The following STIM1 variants were observed in gnomAD, a reference collection of about 807,000 sequenced individuals.
STIM1 encodes the protein stromal interaction molecule 1.
Under a neutral mutation model 74.7 loss-of-function variants are expected in STIM1, and 25 were observed. That is an observed-to-expected ratio of 0.33 (90% CI 0.24 to 0.47). STIM1 has a LOEUF of 0.47. Among genes scored for constraint, STIM1 ranks in the 20% least tolerant of loss-of-function variants. The probability of loss-of-function intolerance (pLI) is 1.00; values close to 1 mark genes in which losing one functional copy is unlikely to be tolerated. For missense variants in STIM1, 728 were observed against 920.8 expected, an observed-to-expected ratio of 0.79 and a Z score of 2.71; for synonymous variants, 328 against 348.8, an observed-to-expected ratio of 0.94 and a Z score of 0.66.
At chr11:3,959,668 G>C (rs1379521435) in intron 1 of STIM1, among the ~76,000 whole-genome samples, 1 of 152,176 alleles carries the variant, frequency 6.6e-6, no homozygotes, top group Non-Finnish European at 1.5e-5. Flanking sequence ...TCTGCCTGGA[G>C]AAAGGTGAGG....
At chr11:4,086,630 G>C in intron 12 of STIM1, 87 bp downstream of exon 12, 2 of 1,583,858 alleles carry the variant, frequency 1.3e-6, no homozygotes, top group Non-Finnish European at 1.7e-6. Flanking sequence ...CAGTCTTTCA[G>C]TTCTGAAGGC....
At chr11:3,861,822 C>A (rs2090624563) in intron 1 of STIM1, among the ~76,000 whole-genome samples, 1 of 152,158 alleles carries the variant, frequency 6.6e-6, no homozygotes, top group African/African-American at 2.4e-5. Context: ...GTGTTAAGAA[C>A]AGCTCTTTGG....
chr11:3,901,621 A>C (rs953705514), intron 1 of STIM1, among the ~76,000 whole-genome samples: 2 of 152,232 alleles, frequency 1.3e-5, no homozygotes, highest in Non-Finnish European at 2.9e-5. Flanking sequence ...GCTCTATGAG[A>C]TTGCTGATAT....
chr11:3,932,638 G>A (rs2092881142), intron 1 of STIM1, among the ~76,000 whole-genome samples: 1 of 149,652 alleles, frequency 6.7e-6, no homozygotes, highest in Non-Finnish European at 1.5e-5. Flanking sequence ...CTCCAGCCTG[G>A]GCAAGAGTGC....
At chr11:4,011,697 T>C (rs2093838034) in intron 2 of STIM1, among the ~76,000 whole-genome samples, 1 of 152,224 alleles carries the variant, frequency 6.6e-6, no homozygotes, top group Admixed American at 6.5e-5. Context: ...GCTGATAGTT[T>C]CTTTTGCTGT....
chr11:4,092,256 T>C lies in STIM1; in HGVS notation c.*458T>C. The C allele has an allele frequency of 3.9e-6, 1 of 254,978 alleles. No homozygotes were observed. Among genetic ancestry groups the C allele is most frequent in the Non-Finnish European group, 7.7e-6 (1 of 129,250 alleles). 15.8% of individuals were successfully genotyped at this position (254,978 alleles called of 1,614,324 possible). A position where few individuals can be genotyped will look rare whatever the true frequency, so the allele number is the denominator to read the frequency against. ...TCTGACATGTGTGCCTCAGATCTGT[T>C]CCACCCCACTCACAGTGGTTCTGTT... On this transcript the variant is annotated 3_prime_UTR_variant, in exon 13 of 13. Transcript: ENST00000526596.
intron 3 of STIM1, among the ~76,000 whole-genome samples, chr11:4,048,765 G>A (rs906949965): frequency 6.6e-5 from 10 of 151,282 alleles, no homozygotes; most frequent in African/African-American, 1.7e-4. Context: ...ACAGAGTCTC[G>A]CTCTGTCGCC....
chr11:4,074,267 G>A (rs1407418018), intron 6 of STIM1, among the ~76,000 whole-genome samples: 1 of 152,224 alleles, frequency 6.6e-6, no homozygotes, highest in Admixed American at 6.5e-5. Flanking sequence ...ATGCCTGAGA[G>A]CCTGGCTTCA....
chr11:4,005,497 G>A (rs539786640), intron 2 of STIM1, among the ~76,000 whole-genome samples: 13 of 147,974 alleles, frequency 8.8e-5, no homozygotes, highest in Admixed American at 2.1e-4. Flanking sequence ...ACCAAACACC[G>A]CATGTTCTCA....
chr11:3,873,537 G>A (rs2091206809), intron 1 of STIM1, among the ~76,000 whole-genome samples: 1 of 151,990 alleles, frequency 6.6e-6, no homozygotes. Flanking sequence ...AAAGTGCTAG[G>A]ATTACAGGTG....
intron 2 of STIM1, among the ~76,000 whole-genome samples, chr11:4,011,929 G>C (rs920915599): frequency 2.6e-5 from 4 of 152,180 alleles, no homozygotes; most frequent in Non-Finnish European, 5.9e-5. Context: ...TCCAGTTTCA[G>C]CTTTTTACAT....
intron 1 of STIM1, among the ~76,000 whole-genome samples, chr11:3,961,770 GATGCTGGGATTA>G (rs1487688534): frequency 1.3e-4 from 20 of 152,178 alleles, no homozygotes; most frequent in African/African-American, 4.6e-4. Context: ...GGCCTCCTAA[GATGCTGGGATTA>G]CAGGCGTGAG....
intron 1 of STIM1, among the ~76,000 whole-genome samples, chr11:3,950,378 C>T (rs1237415227): frequency 2.6e-5 from 4 of 152,112 alleles, no homozygotes; most frequent in Non-Finnish European, 4.4e-5. Flanking sequence ...AAGATCTGCC[C>T]GCCTCGGCCT....
chr11:3,924,332 G>A (rs895774706), intron 1 of STIM1, among the ~76,000 whole-genome samples: 5 of 151,328 alleles, frequency 3.3e-5, no homozygotes, highest in Non-Finnish European at 7.4e-5. Context: ...CCAAGTAGCT[G>A]GGACTACAGG....
chr11:4,024,024 A>G, intron 3 of STIM1, 37 bp downstream of exon 3: 2 of 1,578,650 alleles, frequency 1.3e-6, no homozygotes. Context: ...TAGTTGTGGG[A>G]AGGTTTAGAG....
At chr11:3,956,397 G>A (rs190813658) in intron 1 of STIM1, among the ~76,000 whole-genome samples, 4 of 152,098 alleles carry the variant, frequency 2.6e-5, no homozygotes, top group Non-Finnish European at 5.9e-5. Flanking sequence ...TGGAAAAGTA[G>A]GAAGGTTAGG....
At position 4,091,542 on chromosome 11, in the gene STIM1, C is replaced by A. The variant is rs202057312; in HGVS notation, c.1895C>A (p.Pro632His). 3.1e-6 allele frequency: 5 copies of A among 1,614,198 alleles called. No individual in the cohort carries two copies. Among genetic ancestry groups the A allele is most frequent in the Non-Finnish European group, 4.2e-6 (5 of 1,180,038 alleles). ...DKAHSLMELSPSAPPGGSPHL... is the reference protein window; with the variant it reads ...DKAHSLMELSHSAPPGGSPHL... ...GCCCACAGCCTGATGGAGCTGAGCCCCTCAGCCCCACCTGGTGGCTCTCCA... is the reference window on the plus strand; with the variant it reads ...GCCCACAGCCTGATGGAGCTGAGCCACTCAGCCCCACCTGGTGGCTCTCCA... Residue 632 changes from proline (P) to histidine (H), a missense_variant, in exon 13 of 13, where the codon CCC (proline) becomes CAC (histidine). This residue lies in a region of STIM1 where 352 missense variants were observed against 370.1 expected (regional missense o/e 0.95). Transcript: ENST00000526596.
In STIM1 at chr11:3,892,067, C is replaced by T. The variant is rs73423257; in HGVS notation, c.139+35658C>T. Among the ~76,000 whole-genome samples the T allele has an allele frequency of 7.8e-3, 1,190 of 152,356 alleles. 12 individuals carry two copies. Among genetic ancestry groups the T allele is most frequent in the African/African-American group, 0.027 (1,140 of 41,584 alleles). On this transcript the variant is annotated intron_variant, in intron 1 of 12. Coordinates refer to ENST00000526596, the MANE Select transcript of STIM1 (RefSeq NM_001382567.1). ...TGGTAAATGTTTGTTGAATTGTAGA[C>T]AAAGACCTTGATTTCAGAAATCTCT...
intron 1 of STIM1, among the ~76,000 whole-genome samples, chr11:3,965,414 T>C (rs1449547953): frequency 1.3e-5 from 2 of 152,236 alleles, no homozygotes; most frequent in Admixed American, 1.3e-4. Context: ...ATATGATTCA[T>C]GTTTTTATGC....
Sources: allele counts gnomAD v4.1 joint callset (sites outside exome capture counted in the v4.1 genomes callset), GRCh38; gene constraint gnomAD v4.1.1; regional missense constraint gnomAD v4.1.1; transcripts MANE v1.5; gene names NCBI Gene and HGNC (gene_info 2026-07-23, HGNC 2026-07-21).